The following CTBP2 variants were observed in gnomAD, a reference collection of about 807,000 sequenced individuals.
CTBP2 encodes the protein C-terminal binding protein 2.
CTBP2 carries 30 observed loss-of-function variants against 80.3 expected under a neutral mutation model. The observed-to-expected ratio is 0.37, with a 90% CI of 0.28 to 0.51. The LOEUF is 0.51. Among genes scored for constraint, CTBP2 ranks in the 20% least tolerant of loss-of-function variants. The pLI is 0.93. For missense variants in CTBP2, 1,212 were observed against 1,375.3 expected (o/e 0.88, Z 1.88); for synonymous variants, 594 against 587.4 (o/e 1.01, Z -0.16).
At chr10:125,157,014 G>C (rs1053599101) in intron 1 of CTBP2, among the ~76,000 whole-genome samples, 1 of 152,140 alleles carries the variant, frequency 6.6e-6, no homozygotes, top group Admixed American at 6.5e-5. Context: ...ACTCTCAAAA[G>C]GCCAAAATAT....
At chr10:125,136,658 T>C (rs891010102) in intron 1 of CTBP2, among the ~76,000 whole-genome samples, 4 of 152,200 alleles carry the variant, frequency 2.6e-5, no homozygotes, top group African/African-American at 7.2e-5. Context: ...CTTAGGCCTC[T>C]TTTGCTCCTA....
chr10:125,145,300 G>A (rs1481763959), intron 1 of CTBP2, among the ~76,000 whole-genome samples: 4 of 152,092 alleles, frequency 2.6e-5, no homozygotes, highest in Non-Finnish European at 4.4e-5. Context: ...CTTCTCCATC[G>A]GGACGAAGGG....
chr10:125,145,165 T>C (rs1858521213), intron 1 of CTBP2, among the ~76,000 whole-genome samples: 1 of 152,236 alleles, frequency 6.6e-6, no homozygotes, highest in African/African-American at 2.4e-5. Flanking sequence ...CTCGAGTGTG[T>C]GGGTGTGTGT....
intron 1 of CTBP2, among the ~76,000 whole-genome samples, chr10:125,150,475 T>G (rs1389700603): frequency 1.3e-5 from 2 of 152,076 alleles, no homozygotes; most frequent in East Asian, 3.9e-4. Flanking sequence ...TCTTGGTTAG[T>G]GTGGCAAAGC....
At chr10:125,109,466 A>AG (rs1211549054) in intron 2 of CTBP2, among the ~76,000 whole-genome samples, 1 of 152,252 alleles carries the variant, frequency 6.6e-6, no homozygotes, top group East Asian at 1.9e-4. Context: ...TCTAGCACAC[A>AG]GGTCTGAGAG....
intron 1 of CTBP2, among the ~76,000 whole-genome samples, chr10:125,151,176 G>A (rs919058450): frequency 6.6e-6 from 1 of 152,156 alleles, no homozygotes; most frequent in Non-Finnish European, 1.5e-5. Context: ...ACCAAATTAA[G>A]TCTGCAAAAC....
At chr10:125,076,164 C>T (rs778085316) in intron 2 of CTBP2, among the ~76,000 whole-genome samples, 8 of 152,306 alleles carry the variant, frequency 5.3e-5, no homozygotes, top group Non-Finnish European at 5.9e-5. Context: ...CCCCCATTAC[C>T]CCACTATCAT....
intron 2 of CTBP2, among the ~76,000 whole-genome samples, chr10:125,105,291 A>T (rs1196569216): frequency 1.3e-5 from 2 of 152,210 alleles, no homozygotes; most frequent in African/African-American, 4.8e-5. Flanking sequence ...AGGACCACAG[A>T]TACACACCAC....
chr10:125,011,420 C>T lies in CTBP2; in HGVS notation c.1679-7928G>A, dbSNP rs541442368. ...CTGGCGAGGCAGGAGGCTCCAGGTA[C>T]CCCTGTCTTTATCCAGCCAGTCAGG... On this transcript the variant is annotated intron_variant, in intron 1 of 8. Coordinates refer to ENST00000309035, the MANE Select transcript of CTBP2 (RefSeq NM_022802.3). 4.6e-5 allele frequency among the ~76,000 whole-genome samples: 7 copies of T among 152,336 alleles called. No individual in the cohort carries two copies. In the East Asian group the frequency reaches 1.2e-3, roughly 25 times the overall value.
intron 1 of CTBP2, among the ~76,000 whole-genome samples, chr10:125,145,709 C>T (rs1322375327): frequency 6.6e-6 from 1 of 152,156 alleles, no homozygotes; most frequent in African/African-American, 2.4e-5. Flanking sequence ...CCAGCACCAC[C>T]GTCCCTAATA....
At chr10:125,035,100 C>A (rs940246573) in intron 3 of CTBP2, among the ~76,000 whole-genome samples, 1 of 152,222 alleles carries the variant, frequency 6.6e-6, no homozygotes, top group African/African-American at 2.4e-5. Context: ...AAGAGACCCA[C>A]TGGGGAAACT....
chr10:125,043,853 C>T (rs559512200), intron 2 of CTBP2, among the ~76,000 whole-genome samples: 1 of 152,344 alleles, frequency 6.6e-6, no homozygotes, highest in East Asian at 1.9e-4. Context: ...AAATTTCTCT[C>T]AAATCCAGTT....
At chr10:125,010,702 T>C (rs1424670518) in intron 1 of CTBP2, among the ~76,000 whole-genome samples, 6 of 152,178 alleles carry the variant, frequency 3.9e-5, no homozygotes, top group African/African-American at 1.4e-4. Flanking sequence ...AGGACTGGCC[T>C]GAACCAGGCA....
At chr10:125,079,150 G>GAAA (rs58370199) in intron 2 of CTBP2, among the ~76,000 whole-genome samples, 3 of 101,154 alleles carry the variant, frequency 3.0e-5, no homozygotes, top group African/African-American at 3.9e-5. Context: ...TTGTCTCGAG[G>GAAA]AAAAAAAAAA....
intron 4 of CTBP2, 45 bp from the exon 7 acceptor site, chr10:124,994,728 G>A (rs761511537): frequency 1.4e-5 from 22 of 1,586,658 alleles, no homozygotes; most frequent in African/African-American, 8.1e-5. Context: ...CACAGCCCGC[G>A]CCCCAGCGCT....
upstream of CTBP2, among the ~76,000 whole-genome samples, chr10:125,031,420 T>G (rs2134793744): frequency 7.8e-6 from 1 of 127,598 alleles, no homozygotes; most frequent in East Asian, 2.4e-4. Context: ...ACCCGGGAGG[T>G]GCAGGTTGCA....
At chr10:125,081,142 C>A (rs1847113813) in intron 2 of CTBP2, among the ~76,000 whole-genome samples, 1 of 152,080 alleles carries the variant, frequency 6.6e-6, no homozygotes, top group Non-Finnish European at 1.5e-5. Context: ...CAACTCCAAT[C>A]AGGAAAAAAC....
At chr10:125,071,224 G>A (rs1269887320) in intron 2 of CTBP2, among the ~76,000 whole-genome samples, 1 of 152,258 alleles carries the variant, frequency 6.6e-6, no homozygotes, top group Non-Finnish European at 1.5e-5. Context: ...CCCTGCTCTG[G>A]GAAGGGAAGG....
At chr10:125,098,700 G>GAGAGAGAGAGAC (rs1850035880) in intron 2 of CTBP2, among the ~76,000 whole-genome samples, 1 of 84,860 alleles carries the variant, frequency 1.2e-5, no homozygotes, top group Non-Finnish European at 2.4e-5. Context: ...GAGAGAGAGA[G>GAGAGAGAGAGAC]AGAGAGACAG....
Sources: allele counts gnomAD v4.1 joint callset (sites outside exome capture counted in the v4.1 genomes callset), GRCh38; gene constraint gnomAD v4.1.1; transcripts MANE v1.5; gene names NCBI Gene and HGNC (gene_info 2026-07-23, HGNC 2026-07-21).